Variants in FAM184A observed in about 807,000 individuals in gnomAD.
FAM184A encodes the protein family with sequence similarity 184 member A.
A neutral mutation model predicts 143.8 loss-of-function variants in FAM184A; 99 were observed. That is an observed-to-expected ratio of 0.69 (90% confidence interval 0.58 to 0.81). The LOEUF (loss-of-function observed/expected upper bound fraction) is 0.81. Among genes scored for constraint, FAM184A ranks in the 40% least tolerant of loss-of-function variants. The pLI, the probability that FAM184A is intolerant of heterozygous loss-of-function variation, is 0.00. For synonymous variants in FAM184A, 427 were observed against 446.4 expected (o/e 0.96, Z 0.55); for missense variants, 1,217 against 1,310.5 (o/e 0.93, Z 1.10).
intron 6 of FAM184A, among the ~76,000 whole-genome samples, chr6:119,008,117 G>A (rs1004004763): frequency 1.3e-5 from 2 of 152,134 alleles, no homozygotes; most frequent in African/African-American, 4.8e-5. Flanking sequence ...TGATCAGTTT[G>A]TTTTCTTAAA....
chr6:119,002,224 T>G (rs1784783291), intron 9 of FAM184A, among the ~76,000 whole-genome samples: 1 of 152,200 alleles, frequency 6.6e-6, no homozygotes. Context: ...GTCTAAGTTC[T>G]GCACTTGCTT....
At chr6:119,027,033 C>T (rs1347984929) in intron 1 of FAM184A, among the ~76,000 whole-genome samples, 7 of 152,076 alleles carry the variant, frequency 4.6e-5, no homozygotes, top group Admixed American at 4.6e-4. Context: ...CCTTGGCGTC[C>T]ACAACCCCCT....
chr6:119,115,851 C>T (rs1789044878), intron 1 of FAM184A, among the ~76,000 whole-genome samples: 1 of 152,076 alleles, frequency 6.6e-6, no homozygotes, highest in South Asian at 2.1e-4. Flanking sequence ...CGCTTGTAGT[C>T]CCAGCTACTC....
At chr6:119,097,776 C>T (rs1487924334) in intron 1 of FAM184A, among the ~76,000 whole-genome samples, 5 of 152,176 alleles carry the variant, frequency 3.3e-5, no homozygotes, top group East Asian at 1.9e-4. Context: ...CTCTTTCTCT[C>T]TCTCTGACCT....
chr6:118,977,192 A>C (rs1245891773), intron 11 of FAM184A, among the ~76,000 whole-genome samples: 2 of 152,240 alleles, frequency 1.3e-5, no homozygotes, highest in Non-Finnish European at 2.9e-5. Context: ...AAACCACTGA[A>C]TACTACTTGG....
At chr6:119,012,847 A>G (rs545842694) in intron 5 of FAM184A, among the ~76,000 whole-genome samples, 2 of 152,248 alleles carry the variant, frequency 1.3e-5, no homozygotes, top group Admixed American at 6.5e-5. Context: ...CAAGCCTCCT[A>G]TGTTAACAGT....
At chr6:119,134,688 GA>G (rs1037801110) in intron 1 of FAM184A, among the ~76,000 whole-genome samples, 20 of 147,744 alleles carry the variant, frequency 1.4e-4, no homozygotes, top group Non-Finnish European at 2.2e-4. Flanking sequence ...AATAAAAAAA[GA>G]AAAAAAAGTG....
chr6:119,076,816 A>G (rs1274627626), intron 1 of FAM184A, among the ~76,000 whole-genome samples: 1 of 152,220 alleles, frequency 6.6e-6, no homozygotes, highest in Non-Finnish European at 1.5e-5. Context: ...CTGATGATAC[A>G]CTACTATCAT....
intron 9 of FAM184A, among the ~76,000 whole-genome samples, chr6:118,990,333 G>C (rs1449134618): frequency 5.3e-5 from 8 of 152,132 alleles, no homozygotes; most frequent in African/African-American, 1.9e-4. Context: ...CCTAGGTGTA[G>C]ATTTGGGGCT....
intron 1 of FAM184A, among the ~76,000 whole-genome samples, chr6:119,045,935 G>A (rs1435765594): frequency 6.6e-6 from 1 of 152,018 alleles, no homozygotes; most frequent in Non-Finnish European, 1.5e-5. Context: ...TATCCCTATT[G>A]AAAATGATGC....
At chr6:118,966,791 C>G in intron 15 of FAM184A, 44 bp downstream of exon 15, 2 of 878,864 alleles carry the variant, frequency 2.3e-6, no homozygotes, top group Non-Finnish European at 3.6e-6. Context: ...CAATCAATAT[C>G]TATTGATTAC....
chr6:119,060,462 T>A (rs1020228829), intron 1 of FAM184A, among the ~76,000 whole-genome samples: 1 of 152,124 alleles, frequency 6.6e-6, no homozygotes, highest in African/African-American at 2.4e-5. Flanking sequence ...AAAACAGACA[T>A]GATGAACAGG....
chr6:119,022,914 G>A, intron 3 of FAM184A, 31 bp downstream of exon 3: 1 of 1,612,394 alleles, frequency 6.2e-7, no homozygotes, highest in Middle Eastern at 1.7e-4. Flanking sequence ...TTTTAGCTAA[G>A]CATTACATCA....
chr6:119,023,563 C>CTA (rs1377753107), intron 2 of FAM184A, among the ~76,000 whole-genome samples: 1 of 109,674 alleles, frequency 9.1e-6, no homozygotes, highest in African/African-American at 3.3e-5. Context: ...CCGCCCCCCC[C>CTA]CCCAGGAACA....
intron 11 of FAM184A, among the ~76,000 whole-genome samples, chr6:118,979,019 T>C (rs958873710): frequency 6.6e-6 from 1 of 152,200 alleles, no homozygotes; most frequent in Non-Finnish European, 1.5e-5. Flanking sequence ...AAAAACCATA[T>C]GACCATGCAG....
At chr6:119,087,733 A>G (rs1562145288) in intron 1 of FAM184A, among the ~76,000 whole-genome samples, 1 of 152,210 alleles carries the variant, frequency 6.6e-6, no homozygotes, top group Non-Finnish European at 1.5e-5. Flanking sequence ...TGATTCAGAA[A>G]TTTCACCTCT....
chr6:119,087,350 G>A (rs76023549), intron 1 of FAM184A, among the ~76,000 whole-genome samples: 3 of 152,120 alleles, frequency 2.0e-5, no homozygotes, highest in Non-Finnish European at 4.4e-5. Context: ...TCTGATAAAG[G>A]ATTAATATCC....
chr6:119,076,117 G>A (rs1787863296), intron 1 of FAM184A, among the ~76,000 whole-genome samples: 1 of 152,214 alleles, frequency 6.6e-6, no homozygotes, highest in African/African-American at 2.4e-5. Context: ...CTGGGGGTGG[G>A]GGGTGAGGGC....
At chr6:119,007,361 G>T (rs535985877) in intron 6 of FAM184A, among the ~76,000 whole-genome samples, 1 of 151,680 alleles carries the variant, frequency 6.6e-6, no homozygotes, top group Admixed American at 6.6e-5. Context: ...TGTAAATACA[G>T]ACATTACAAA....
Sources: allele counts gnomAD v4.1 joint callset (sites outside exome capture counted in the v4.1 genomes callset), GRCh38; gene constraint gnomAD v4.1.1; transcripts MANE v1.5; gene names NCBI Gene and HGNC (gene_info 2026-07-23, HGNC 2026-07-21).